RGS5: variants seen among roughly 807,000 people sequenced by gnomAD.
RGS5 encodes the protein regulator of G-protein signalling 5.
RGS5 carries 20 observed loss-of-function variants against 18.9 expected under a neutral mutation model. The observed-to-expected ratio is 1.06, with a 90% CI of 0.74 to 1.54. The LOEUF (loss-of-function observed/expected upper bound fraction) is 1.54. Ranked by LOEUF, RGS5 falls within the 40% of genes most tolerant of loss-of-function variation. The pLI is 0.00. For missense variants in RGS5, 201 were observed against 211.8 expected (o/e 0.95, Z 0.32); for synonymous variants, 57 against 76.2 (o/e 0.75, Z 1.31).
At chr1:163,161,447 G>A (rs749192425) in intron 3 of RGS5, among the ~76,000 whole-genome samples, 1 of 152,178 alleles carries the variant, frequency 6.6e-6, no homozygotes, top group Non-Finnish European at 1.5e-5. Flanking sequence ...GGCTGGGGGA[G>A]ATAACAACCC....
intron 1 of RGS5, among the ~76,000 whole-genome samples, chr1:163,168,652 C>T (rs1319636467): frequency 6.6e-6 from 1 of 152,014 alleles, no homozygotes; most frequent in African/African-American, 2.4e-5. Flanking sequence ...CACTATAGTA[C>T]TATTTCCATT....
chr1:163,259,198 C>CTGAA (rs1648358885), intron 2 of RGS5, among the ~76,000 whole-genome samples: 1 of 151,990 alleles, frequency 6.6e-6, no homozygotes, highest in South Asian at 2.1e-4. Flanking sequence ...GTTGGCCAGG[C>CTGAA]TGAAGTGCAG....
At chr1:163,147,567 AGG>A (rs2102378262) in intron 4 of RGS5, 64 bp from the exon 5 acceptor site, 1 of 1,353,454 alleles carries the variant, frequency 7.4e-7, no homozygotes, top group East Asian at 2.6e-5. Flanking sequence ...AGGGGTGAAG[AGG>A]GAGGTGGAAT....
chr1:163,213,234 C>G (rs1330859061), intron 1 of RGS5, among the ~76,000 whole-genome samples: 2 of 149,930 alleles, frequency 1.3e-5, no homozygotes, highest in Non-Finnish European at 3.0e-5. Context: ...TGCTTTTTTC[C>G]AAAAAAAAAG....
chr1:163,156,177 A>T (rs1231521728), intron 3 of RGS5, among the ~76,000 whole-genome samples: 2 of 152,194 alleles, frequency 1.3e-5, no homozygotes, highest in East Asian at 1.9e-4. Flanking sequence ...GTTAAAAATT[A>T]TATTACTGCA....
intron 3 of RGS5, among the ~76,000 whole-genome samples, chr1:163,154,190 T>C (rs184441303): frequency 1.3e-5 from 2 of 152,230 alleles, no homozygotes; most frequent in East Asian, 1.9e-4. Flanking sequence ...ATTCTTTTTA[T>C]AGGCTCTAAA....
intron 2 of RGS5, among the ~76,000 whole-genome samples, chr1:163,241,674 GA>G (rs1262756367): frequency 4.6e-5 from 7 of 152,240 alleles, no homozygotes; most frequent in Admixed American, 2.6e-4. Flanking sequence ...TAAAATGACT[GA>G]AATGATCAGG....
chr1:163,227,273 A>T (rs1049246135), intron 2 of RGS5, among the ~76,000 whole-genome samples: 1 of 152,202 alleles, frequency 6.6e-6, no homozygotes, highest in African/African-American at 2.4e-5. Flanking sequence ...TGAGTAATTT[A>T]TTAAGAAAAC....
intron 1 of RGS5, among the ~76,000 whole-genome samples, chr1:163,180,579 T>C (rs1421286422): frequency 6.6e-6 from 1 of 152,030 alleles, no homozygotes; most frequent in Admixed American, 6.6e-5. Flanking sequence ...GGGTGTACAA[T>C]TGTGCGAGTT....
chr1:163,260,331 T>C (rs568181888), intron 2 of RGS5: 26 of 152,344 alleles, frequency 1.7e-4, no homozygotes, highest in African/African-American at 6.3e-4. Context: ...CTATTTTGGC[T>C]TTCTTTAGAA....
intron 2 of RGS5, among the ~76,000 whole-genome samples, chr1:163,166,488 G>A (rs1334442929): frequency 2.0e-5 from 3 of 152,202 alleles, no homozygotes; most frequent in African/African-American, 4.8e-5. Flanking sequence ...AGAAGAGAGA[G>A]AGAGATGGAG....
At chr1:163,249,016 C>T (rs1648026574) in intron 2 of RGS5, among the ~76,000 whole-genome samples, 1 of 152,122 alleles carries the variant, frequency 6.6e-6, no homozygotes, top group Admixed American at 6.5e-5. Flanking sequence ...TTATAAAACC[C>T]AGGGCAGAAA....
chr1:163,314,366 T>G (rs1014029077), intron 1 of RGS5, among the ~76,000 whole-genome samples: 1 of 152,092 alleles, frequency 6.6e-6, no homozygotes, highest in Non-Finnish European at 1.5e-5. Flanking sequence ...TAGAAATGCA[T>G]AGACTTAGAC....
intron 2 of RGS5, among the ~76,000 whole-genome samples, chr1:163,241,208 C>T (rs1001467189): frequency 1.3e-5 from 2 of 152,102 alleles, no homozygotes; most frequent in Non-Finnish European, 2.9e-5. Flanking sequence ...TTATTTTCTT[C>T]TTGGATTAGA....
chr1:163,286,676 T>C (rs1571341724), intron 2 of RGS5, among the ~76,000 whole-genome samples: 1 of 152,266 alleles, frequency 6.6e-6, no homozygotes, highest in East Asian at 1.9e-4. Context: ...TTCCCTGACT[T>C]TCTTTTTGGT....
chr1:163,243,280 G>A (rs7547900), intron 2 of RGS5, among the ~76,000 whole-genome samples: 237 of 152,172 alleles, frequency 1.6e-3, no homozygotes, highest in African/African-American at 5.3e-3. Flanking sequence ...ATCACACACT[G>A]GGACCCGTCA....
intron 1 of RGS5, among the ~76,000 whole-genome samples, chr1:163,186,578 C>CAAAAAAA (rs34092786): frequency 1.3e-3 from 120 of 93,554 alleles, no homozygotes; most frequent in East Asian, 1.5e-3. Context: ...GACTCTGTCT[C>CAAAAAAA]AAAAAAAAAA....
chr1:163,308,154 A>G (rs1463050595), intron 1 of RGS5, among the ~76,000 whole-genome samples: 2 of 152,214 alleles, frequency 1.3e-5, no homozygotes, highest in African/African-American at 4.8e-5. Flanking sequence ...ACAAGTCAGC[A>G]GTGTGCTACA....
At chr1:163,303,087 ATAGT>A (rs1369841465) in intron 2 of RGS5, among the ~76,000 whole-genome samples, 1 of 152,216 alleles carries the variant, frequency 6.6e-6, no homozygotes, top group African/African-American at 2.4e-5. Flanking sequence ...GAAAGAACAC[ATAGT>A]TAAATTTTAA....
Sources: gnomAD v4.1 joint callset for allele counts (sites outside exome capture counted in the v4.1 genomes callset) on GRCh38, gnomAD v4.1.1 for gene constraint, MANE v1.5 for transcripts, NCBI Gene and HGNC (gene_info 2026-07-23, HGNC 2026-07-21) for gene names.